KCTD8: variants seen among roughly 807,000 people sequenced by gnomAD.
KCTD8 encodes BTB/POZ domain-containing protein KCTD8.
In KCTD8, 27 loss-of-function variants were observed where a neutral mutation model predicts 31.5. The ratio of observed to expected loss-of-function variants is 0.86; its 90% CI spans 0.63 to 1.18. KCTD8 has a LOEUF of 1.18. Ranked by LOEUF, KCTD8 falls within the 50% of genes most tolerant of loss-of-function variation. The pLI, the probability that KCTD8 is intolerant of heterozygous loss-of-function variation, is 0.00. For synonymous variants in KCTD8, 290 were observed against 280.0 expected (o/e 1.04, Z -0.36); for missense variants, 658 against 647.7 (o/e 1.02, Z -0.17).
intron 1 of KCTD8, among the ~76,000 whole-genome samples, chr4:44,385,003 T>C (rs532611855): frequency 6.6e-6 from 1 of 151,288 alleles, no homozygotes; most frequent in South Asian, 2.1e-4. Flanking sequence ...AAAGAAAATA[T>C]ATAGGAATAA....
chr4:44,318,723 T>G (rs1718210129), intron 1 of KCTD8, among the ~76,000 whole-genome samples: 1 of 152,188 alleles, frequency 6.6e-6, no homozygotes, highest in Admixed American at 6.5e-5. Flanking sequence ...AAAGTTTGAC[T>G]TGAAGAAGAG....
chr4:44,398,727 A>C (rs1720572542), intron 1 of KCTD8, among the ~76,000 whole-genome samples: 1 of 152,202 alleles, frequency 6.6e-6, no homozygotes, highest in African/African-American at 2.4e-5. Flanking sequence ...GAGGGTAATC[A>C]TTTAAACTGA....
At chr4:44,422,634 G>A (rs1299304489) in intron 1 of KCTD8, among the ~76,000 whole-genome samples, 3 of 152,088 alleles carry the variant, frequency 2.0e-5, no homozygotes, top group Non-Finnish European at 4.4e-5. Context: ...ACTTGCAGAA[G>A]AAGGTAGTTT....
At chr4:44,301,710 T>C (rs1248798105) in intron 1 of KCTD8, among the ~76,000 whole-genome samples, 7 of 152,204 alleles carry the variant, frequency 4.6e-5, no homozygotes, top group Non-Finnish European at 8.8e-5. Context: ...GTGCAGAAGC[T>C]CTTTAGTTTA....
At chr4:44,243,687 C>T (rs1313938167) in intron 1 of KCTD8, among the ~76,000 whole-genome samples, 1 of 152,180 alleles carries the variant, frequency 6.6e-6, no homozygotes, top group African/African-American at 2.4e-5. Context: ...GGACTATCAC[C>T]TTGTAAAAAG....
chr4:44,271,761 C>T (rs995309856), intron 1 of KCTD8, among the ~76,000 whole-genome samples: 1 of 152,090 alleles, frequency 6.6e-6, no homozygotes, highest in East Asian at 1.9e-4. Context: ...CTTTGTTTCC[C>T]ATAAGGAATA....
intron 1 of KCTD8, among the ~76,000 whole-genome samples, chr4:44,284,009 T>C (rs1291651263): frequency 6.6e-6 from 1 of 152,162 alleles, no homozygotes; most frequent in Non-Finnish European, 1.5e-5. Context: ...CATTCCATGC[T>C]CATGGATAGA....
intron 1 of KCTD8, among the ~76,000 whole-genome samples, chr4:44,176,152 A>C (rs1294924454): frequency 1.3e-5 from 2 of 152,216 alleles, no homozygotes; most frequent in African/African-American, 4.8e-5. Flanking sequence ...CAATTCAGAG[A>C]TCTAAATTAC....
At chr4:44,427,514 CTG>C (rs35873623) in intron 1 of KCTD8, among the ~76,000 whole-genome samples, 70,589 of 151,074 alleles carry the variant, frequency 0.47, 17,366 homozygotes, top group South Asian at 0.63. Context: ...TAACAAAAGA[CTG>C]TGATGAAAGA....
chr4:44,322,228 G>A (rs1181590279), intron 1 of KCTD8, among the ~76,000 whole-genome samples: 2 of 151,912 alleles, frequency 1.3e-5, no homozygotes, highest in African/African-American at 4.8e-5. Context: ...CAGTGTACAC[G>A]TGGTCCCTTT....
chr4:44,389,313 C>T (rs1720308955), intron 1 of KCTD8, among the ~76,000 whole-genome samples: 1 of 151,754 alleles, frequency 6.6e-6, no homozygotes, highest in South Asian at 2.1e-4. Flanking sequence ...AGGATAAATG[C>T]TTGAGGTGAT....
intron 1 of KCTD8, among the ~76,000 whole-genome samples, chr4:44,360,522 T>G (rs544410462): frequency 2.6e-4 from 40 of 152,138 alleles, no homozygotes; most frequent in African/African-American, 9.1e-4. Flanking sequence ...TTATCACTAC[T>G]TCCACTGGAA....
intron 1 of KCTD8, among the ~76,000 whole-genome samples, chr4:44,273,447 T>C (rs1652897882): frequency 6.6e-6 from 1 of 151,926 alleles, no homozygotes; most frequent in Non-Finnish European, 1.5e-5. Flanking sequence ...CCTTAATGAA[T>C]TTTTTATGAC....
At chr4:44,357,386 A>T (rs968695270) in intron 1 of KCTD8, among the ~76,000 whole-genome samples, 1 of 152,242 alleles carries the variant, frequency 6.6e-6, no homozygotes, top group Non-Finnish European at 1.5e-5. Flanking sequence ...ATTTGAATAA[A>T]TGAATGAAGC....
intron 1 of KCTD8, among the ~76,000 whole-genome samples, chr4:44,254,758 C>A (rs1345974626): frequency 6.6e-6 from 1 of 151,838 alleles, no homozygotes; most frequent in Non-Finnish European, 1.5e-5. Context: ...GATGCTCTAC[C>A]TATTTTCCAA....
intron 1 of KCTD8, among the ~76,000 whole-genome samples, chr4:44,340,520 G>A (rs911946644): frequency 7.5e-6 from 1 of 133,908 alleles, no homozygotes; most frequent in Non-Finnish European, 1.6e-5. Context: ...GTGTTAGCCA[G>A]GATGGTCTCC....
chr4:44,249,825 C>T (rs543128879), intron 1 of KCTD8, among the ~76,000 whole-genome samples: 1 of 151,090 alleles, frequency 6.6e-6, no homozygotes, highest in East Asian at 2.0e-4. Flanking sequence ...TTTTCTTTCT[C>T]TACTAGTATA....
chr4:44,193,705 C>A (rs1292000151), intron 1 of KCTD8, among the ~76,000 whole-genome samples: 1 of 150,958 alleles, frequency 6.6e-6, no homozygotes, highest in Non-Finnish European at 1.5e-5. Flanking sequence ...TAACTCAGTT[C>A]ATTGTGACCT....
rs899223245 is a variant in KCTD8, at chr4:44,299,823, G to C, written c.962-124573C>G. On this transcript the variant is annotated intron_variant, in intron 1 of 1. Coordinates refer to ENST00000360029, the MANE Select transcript of KCTD8 (RefSeq NM_198353.3). ...TCACTCTGTCGCCCAGGCCATCTCA[G>C]CTCACTGCAACCTCCGTCTCCTGGG... Among the ~76,000 whole-genome samples, 11 of 141,922 alleles carry C rather than the reference G, an allele frequency of 7.8e-5. No homozygotes were observed. The Admixed American group carries it at 8.3e-4, about 11-fold the overall frequency. The allele number at this position is 141,922 out of a possible 152,430, so 93.1% of individuals were successfully genotyped here.
Sources: gnomAD v4.1 joint callset for allele counts (sites outside exome capture counted in the v4.1 genomes callset) on GRCh38, gnomAD v4.1.1 for gene constraint, MANE v1.5 for transcripts, NCBI Gene and HGNC (gene_info 2026-07-23, HGNC 2026-07-21) for gene names.